TTC7B: variants seen among roughly 807,000 people sequenced by gnomAD.
TTC7B encodes the protein tetratricopeptide repeat domain 7B.
Under a neutral mutation model 106.8 loss-of-function variants are expected in TTC7B, and 28 were observed. The observed-to-expected ratio is 0.26, with a 90% CI of 0.19 to 0.36. TTC7B has a LOEUF of 0.36. Among genes scored for constraint, TTC7B ranks in the 10% least tolerant of loss-of-function variants. TTC7B has a pLI of 1.00. For synonymous variants in TTC7B, 405 were observed against 430.6 expected (o/e 0.94, Z 0.74); for missense variants, 862 against 1,076.4 (o/e 0.80, Z 2.79).
chr14:90,657,715 G>C lies in TTC7B; in HGVS notation c.1237-437C>G. The C allele has an allele frequency of 4.7e-6, 1 of 211,564 alleles. No homozygotes were observed. Among genetic ancestry groups the C allele is most frequent in the Admixed American group, 5.3e-5 (1 of 18,976 alleles). The allele number at this position is 211,564 out of a possible 1,614,324, so 13.1% of individuals were successfully genotyped here. A position where few individuals can be genotyped will look rare whatever the true frequency, so the allele number is the denominator to read the frequency against. ...AAAAACAATAGCTACGACCTCTGTT[G>C]AGTGTATACACAGCAAGGAGCGTGC... On this transcript the variant is annotated intron_variant, in intron 10 of 19. Coordinates refer to ENST00000328459, the MANE Select transcript of TTC7B (RefSeq NM_001010854.2). The surrounding 1 kb of genome is among the most constrained non-coding windows in gnomAD (Gnocchi z 4.2).
intron 8 of TTC7B, 37 bp from the exon 9 acceptor site, chr14:90,676,697 G>C (rs1321823367): frequency 5.6e-6 from 9 of 1,607,576 alleles, no homozygotes; most frequent in Non-Finnish European, 7.6e-6. Context: ...GATGGAGAGA[G>C]AACCTAGTGC....
In TTC7B at chr14:90,759,190, CCTT is replaced by C. The variant is rs539386465; in HGVS notation, c.446-14271_446-14269del. On this transcript the variant is annotated intron_variant, in intron 3 of 19. Coordinates refer to ENST00000328459, the MANE Select transcript of TTC7B (RefSeq NM_001010854.2). The surrounding 1 kb of genome is among the most constrained non-coding windows in gnomAD (Gnocchi z 4.1). ...CGCTCTGAGCCGCACATGACTCTCTCCTTCTCCACAGAACAATCTGTGTTCTGC... is the reference window on the plus strand; with the variant it reads ...CGCTCTGAGCCGCACATGACTCTCTCCTCCACAGAACAATCTGTGTTCTGC... Among the ~76,000 whole-genome samples the C allele has an allele frequency of 1.2e-4, 19 of 152,140 alleles. No homozygotes were observed. The highest frequency in any genetic ancestry group is 1.9e-4 in the Non-Finnish European group (13 of 68,022).
intron 3 of TTC7B, among the ~76,000 whole-genome samples, chr14:90,752,562 A>G (rs758450924): frequency 4.7e-4 from 71 of 152,214 alleles, no homozygotes; most frequent in Non-Finnish European, 8.4e-4. Context: ...TCCCTCAGCT[A>G]GGAGCCTTAT....
chr14:90,767,772 G>A (rs1890737744), intron 3 of TTC7B, among the ~76,000 whole-genome samples: 1 of 152,090 alleles, frequency 6.6e-6, no homozygotes, highest in African/African-American at 2.4e-5. Context: ...AGAAACATGT[G>A]GAACACCATC....
In TTC7B at chr14:90,618,338, G is replaced by A. The variant is rs375478925; in HGVS notation, c.1752-293C>T. 2.6e-5 allele frequency among the ~76,000 whole-genome samples: 4 copies of A among 152,364 alleles called. No homozygotes were observed. The South Asian group carries it at 8.3e-4, about 32-fold the overall frequency. On this transcript the variant is annotated intron_variant, in intron 15 of 19. Transcript: ENST00000328459. ...AACACAGGGAATTTATTAAAAGCAT[G>A]CTTTTTAGAACCAAACCAATTTATT...
chr14:90,587,501 T>C (rs1891764677), intron 18 of TTC7B, among the ~76,000 whole-genome samples: 1 of 152,138 alleles, frequency 6.6e-6, no homozygotes. Context: ...GCCTCCATCG[T>C]CCCTGACCTG....
chr14:90,554,282 C>T (rs751079292), intron 19 of TTC7B, among the ~76,000 whole-genome samples: 3 of 152,184 alleles, frequency 2.0e-5, no homozygotes, highest in Admixed American at 6.5e-5. Context: ...AGAGGGTGGT[C>T]GGGGTTGCAG....
At chr14:90,767,168 G>A (rs536395702) in intron 3 of TTC7B, among the ~76,000 whole-genome samples, 54 of 152,230 alleles carry the variant, frequency 3.5e-4, no homozygotes, top group African/African-American at 1.3e-3. Context: ...ACAGTGAGCT[G>A]TGATAGTGCC....
chr14:90,678,298 A>G (rs1257210797), intron 8 of TTC7B, among the ~76,000 whole-genome samples: 1 of 152,240 alleles, frequency 6.6e-6, no homozygotes, highest in East Asian at 1.9e-4. Context: ...TTGTAGTTAG[A>G]AAACAGCACA....
chr14:90,680,457 A>G lies in TTC7B; in HGVS notation c.1014+15T>C. The G allele has an allele frequency of 6.2e-7, 1 of 1,609,700 alleles. No individual in the cohort carries two copies. Among genetic ancestry groups the G allele is most frequent in the Non-Finnish European group, 8.5e-7 (1 of 1,176,120 alleles). On this transcript the variant is annotated intron_variant, in intron 8 of 19. Coordinates refer to ENST00000328459, the MANE Select transcript of TTC7B (RefSeq NM_001010854.2). Reference sequence around the variant, plus strand: ...GGCCAGGGGAAAGAACGATGTAAAAACACATTCCACTTACCATTGATTCAC... The same window carrying G: ...GGCCAGGGGAAAGAACGATGTAAAAGCACATTCCACTTACCATTGATTCAC...
At position 90,779,241 on chromosome 14, in the gene TTC7B, C is replaced by T. The variant is rs139322624; in HGVS notation, c.445+1497G>A. On this transcript the variant is annotated intron_variant, in intron 3 of 19. Coordinates refer to ENST00000328459, the MANE Select transcript of TTC7B (RefSeq NM_001010854.2). ...CCCTGCTGGCCTGAAGTGACCTCTC[C>T]GTATTACCCATCCCTAGCTTTTACT... 2.1e-3 allele frequency among the ~76,000 whole-genome samples: 317 copies of T among 152,360 alleles called. 2 individuals carry two copies. Among genetic ancestry groups the T allele is most frequent in the African/African-American group, 7.2e-3 (298 of 41,592 alleles).
intron 5 of TTC7B, among the ~76,000 whole-genome samples, chr14:90,728,861 C>A (rs992744098): frequency 6.6e-6 from 1 of 152,232 alleles, no homozygotes; most frequent in Non-Finnish European, 1.5e-5. Flanking sequence ...CACCATTTAT[C>A]GTGAAAAGGG....
At chr14:90,623,312 G>A (rs568346791) in intron 15 of TTC7B, among the ~76,000 whole-genome samples, 5 of 152,232 alleles carry the variant, frequency 3.3e-5, no homozygotes, top group Non-Finnish European at 7.3e-5. Context: ...CTGCAAATGA[G>A]GCTGAGTTAA....
chr14:90,560,355 A>C (rs752404932), intron 19 of TTC7B, among the ~76,000 whole-genome samples: 2 of 152,352 alleles, frequency 1.3e-5, no homozygotes, highest in African/African-American at 4.8e-5. Context: ...CACTGCATGC[A>C]AGTGTGAACC....
intron 9 of TTC7B, among the ~76,000 whole-genome samples, chr14:90,670,325 A>G (rs891541384): frequency 6.6e-6 from 1 of 152,226 alleles, no homozygotes; most frequent in South Asian, 2.1e-4. Flanking sequence ...CAAAAATTAG[A>G]TTAGAGTTTA....
intron 15 of TTC7B, among the ~76,000 whole-genome samples, chr14:90,621,460 T>C (rs536635156): frequency 7.8e-6 from 1 of 128,264 alleles, no homozygotes; most frequent in Admixed American, 7.9e-5. Context: ...CCGGGACAAG[T>C]GGCAGAAGCC....
chr14:90,695,846 T>C (rs1216910277), intron 5 of TTC7B, among the ~76,000 whole-genome samples: 4 of 149,896 alleles, frequency 2.7e-5, no homozygotes, highest in African/African-American at 7.6e-5. Flanking sequence ...AAAAGCAAGA[T>C]ACCTTAGAAG....
Position 90,804,192 on chromosome 14 carries a change from G to A in TTC7B, c.121+11983C>T, listed in dbSNP as rs528306027. On this transcript the variant is annotated intron_variant, in intron 1 of 19. Coordinates refer to ENST00000328459, the MANE Select transcript of TTC7B (RefSeq NM_001010854.2). ...CTACTAAAAATACAAAAAATTAGCCGGGCGTGGTGGGGGCGCCTGTAGTCC... is the reference window on the plus strand; with the variant it reads ...CTACTAAAAATACAAAAAATTAGCCAGGCGTGGTGGGGGCGCCTGTAGTCC... 5.3e-5 allele frequency among the ~76,000 whole-genome samples: 8 copies of A among 152,104 alleles called. No individual in the cohort carries two copies. In the South Asian group the frequency reaches 1.5e-3, roughly 28 times the overall value.
intron 5 of TTC7B, among the ~76,000 whole-genome samples, chr14:90,717,825 G>C (rs1888718684): frequency 6.6e-6 from 1 of 152,186 alleles, no homozygotes; most frequent in Admixed American, 6.5e-5. Context: ...CTCTGGGCCA[G>C]AGCCAGAACA....
Sources: gnomAD v4.1 joint callset for allele counts (sites outside exome capture counted in the v4.1 genomes callset) on GRCh38, gnomAD v4.1.1 for gene constraint, Gnocchi (gnomAD v3.1) non-coding constraint, MANE v1.5 for transcripts, NCBI Gene and HGNC (gene_info 2026-07-23, HGNC 2026-07-21) for gene names.